Variants in FNDC3B observed in about 807,000 individuals in gnomAD.
The protein encoded by FNDC3B is fibronectin type III domain-containing protein 3B.
FNDC3B carries 12 observed loss-of-function variants against 151.5 expected under a neutral mutation model. The observed-to-expected ratio is 0.08, with a 90% CI of 0.05 to 0.13. The LOEUF (loss-of-function observed/expected upper bound fraction) is 0.13. Among genes scored for constraint, FNDC3B ranks in the 10% least tolerant of loss-of-function variants. The pLI, the probability that FNDC3B is intolerant of heterozygous loss-of-function variation, is 1.00. For synonymous variants in FNDC3B, 528 were observed against 549.0 expected (o/e 0.96, Z 0.54); for missense variants, 1,214 against 1,505.3 (o/e 0.81, Z 3.20).
intron 13 of FNDC3B, among the ~76,000 whole-genome samples, chr3:172,332,726 C>T (rs1732742026): frequency 6.6e-6 from 1 of 152,198 alleles, no homozygotes; most frequent in African/African-American, 2.4e-5. Flanking sequence ...TCAGGAAGCT[C>T]AGCCACACTT....
At chr3:172,198,619 C>T (rs1251151599) in intron 3 of FNDC3B, among the ~76,000 whole-genome samples, 1 of 152,198 alleles carries the variant, frequency 6.6e-6, no homozygotes, top group Admixed American at 6.5e-5. Context: ...TGATGTCAGA[C>T]TGCCATCGTA....
chr3:172,184,801 C>A (rs9835896), intron 3 of FNDC3B, among the ~76,000 whole-genome samples: 5 of 152,036 alleles, frequency 3.3e-5, no homozygotes, highest in Admixed American at 1.3e-4. Flanking sequence ...TTAGGTTCTC[C>A]CCTTTCTTTC....
chr3:172,350,955 T>G (rs1211915102), intron 21 of FNDC3B, among the ~76,000 whole-genome samples: 1 of 152,262 alleles, frequency 6.6e-6, no homozygotes, highest in Non-Finnish European at 1.5e-5. Context: ...CATTCACTTT[T>G]GTAAGAAAGC....
At chr3:172,385,814 T>A (rs1735683999) in intron 25 of FNDC3B, among the ~76,000 whole-genome samples, 1 of 152,136 alleles carries the variant, frequency 6.6e-6, no homozygotes, top group Non-Finnish European at 1.5e-5. Context: ...CACCTCAGCC[T>A]CCCAAAGTGC....
Position 172,227,278 on chromosome 3 carries a change from A to G in FNDC3B, c.264+331A>G, listed in dbSNP as rs146151610. ...AATACAACTTTCTGGAAGAAAATTC[A>G]TAGATGTAGTTAGTTAACATATTAA... On this transcript the variant is annotated intron_variant, in intron 4 of 25. Coordinates refer to ENST00000415807, the MANE Select transcript of FNDC3B (RefSeq NM_022763.4). 1.0e-3 allele frequency: 212 copies of G among 203,450 alleles called. 1 individual carries two copies. The highest frequency in any genetic ancestry group is 4.6e-3 in the African/African-American group (199 of 43,476). 12.6% of individuals were successfully genotyped at this position (203,450 alleles called of 1,614,324 possible). A position where few individuals can be genotyped will look rare whatever the true frequency, so the allele number is the denominator to read the frequency against.
chr3:172,193,370 T>A (rs1233096391), intron 3 of FNDC3B, among the ~76,000 whole-genome samples: 1 of 125,674 alleles, frequency 8.0e-6, no homozygotes, highest in Non-Finnish European at 1.6e-5. Context: ...TTCTCTATAA[T>A]TTTTTTCAAG....
chr3:172,246,366 A>G (rs1727776084), intron 4 of FNDC3B, among the ~76,000 whole-genome samples: 1 of 152,106 alleles, frequency 6.6e-6, no homozygotes, highest in Non-Finnish European at 1.5e-5. Flanking sequence ...AGCCCTGCCA[A>G]TTGTTTGAGG....
intron 3 of FNDC3B, among the ~76,000 whole-genome samples, chr3:172,151,912 G>C (rs1722244413): frequency 6.6e-6 from 1 of 152,184 alleles, no homozygotes; most frequent in Admixed American, 6.5e-5. Context: ...AGGGCTTACT[G>C]TATTTCTCTG....
intron 3 of FNDC3B, among the ~76,000 whole-genome samples, chr3:172,151,241 A>C (rs1722205032): frequency 6.6e-6 from 1 of 152,210 alleles, no homozygotes; most frequent in Non-Finnish European, 1.5e-5. Flanking sequence ...TGCCAGTGCT[A>C]CCACTTCCGT....
Position 172,133,543 on chromosome 3 carries a change from C to A in FNDC3B, c.184C>A (p.Gln62Lys). Residue 62 changes from glutamine to lysine, a missense_variant, in exon 3 of 26, where the codon CAA becomes AAA. By Grantham distance (53) the Gln-to-Lys change is moderately conservative (BLOSUM62 1). Transcript: ENST00000415807. ...AGAGGATGGAACACTTCAGTGCATT[C>A]AAGGTAAGGACATTTTTGGTAAATA... ...RAEDGTLQCIQGPAEVPMMSP... is the reference protein window; with the variant it reads ...RAEDGTLQCIKGPAEVPMMSP... 1 of 1,604,688 alleles carries A rather than the reference C, an allele frequency of 6.2e-7. No homozygotes were observed. Among genetic ancestry groups the A allele is most frequent in the Non-Finnish European group, 8.5e-7 (1 of 1,171,898 alleles).
intron 4 of FNDC3B, among the ~76,000 whole-genome samples, chr3:172,241,810 A>T (rs1727506747): frequency 6.6e-6 from 1 of 152,194 alleles, no homozygotes; most frequent in South Asian, 2.1e-4. Flanking sequence ...AAAACAAATC[A>T]TGCCTTTCCT....
chr3:172,347,607 T>C (rs1359667760), intron 21 of FNDC3B, among the ~76,000 whole-genome samples: 1 of 152,260 alleles, frequency 6.6e-6, no homozygotes, highest in Admixed American at 6.5e-5. Context: ...ACCACCCTTG[T>C]ATCTTGTCTG....
intron 10 of FNDC3B, among the ~76,000 whole-genome samples, chr3:172,310,321 A>AT (rs1287485632): frequency 6.6e-6 from 1 of 152,094 alleles, no homozygotes; most frequent in Non-Finnish European, 1.5e-5. Flanking sequence ...AGAGGATCAC[A>AT]TTTTTTCCCC....
chr3:172,048,392 T>C (rs1432749852), intron 1 of FNDC3B, among the ~76,000 whole-genome samples: 1 of 152,192 alleles, frequency 6.6e-6, no homozygotes, highest in East Asian at 1.9e-4. Flanking sequence ...CATGGTTTTT[T>C]TAATCTCAAG....
intron 3 of FNDC3B, among the ~76,000 whole-genome samples, chr3:172,215,034 A>G (rs527676810): frequency 1.9e-4 from 29 of 152,340 alleles, no homozygotes; most frequent in African/African-American, 7.0e-4. Context: ...GATGTTTTTC[A>G]TGTTCTTTCA....
chr3:172,263,233 A>G (rs1453829003), intron 6 of FNDC3B, among the ~76,000 whole-genome samples: 1 of 151,996 alleles, frequency 6.6e-6, no homozygotes, highest in South Asian at 2.1e-4. Flanking sequence ...TTTTTCATAA[A>G]TGCATTTATT....
At chr3:172,316,465 G>A (rs1343884022) in intron 11 of FNDC3B, 1 of 456,046 alleles carries the variant, frequency 2.2e-6, no homozygotes, top group Admixed American at 2.4e-5. Context: ...ATAAATGTCT[G>A]CCCAGTCTGT....
At chr3:172,116,011 C>T (rs377067725) in intron 2 of FNDC3B, among the ~76,000 whole-genome samples, 14 of 152,252 alleles carry the variant, frequency 9.2e-5, no homozygotes, top group East Asian at 3.9e-4. Context: ...TTCTCTGTTG[C>T]GTTCTGGCTC....
chr3:172,159,414 G>A (rs1218816075), intron 3 of FNDC3B, among the ~76,000 whole-genome samples: 1 of 152,162 alleles, frequency 6.6e-6, no homozygotes, highest in East Asian at 1.9e-4. Flanking sequence ...TACATAGTAA[G>A]TCTTAACATT....
Sources: allele counts gnomAD v4.1 joint callset (sites outside exome capture counted in the v4.1 genomes callset), GRCh38; gene constraint gnomAD v4.1.1; transcripts MANE v1.5; gene names NCBI Gene and HGNC (gene_info 2026-07-23, HGNC 2026-07-21).